SATB2: variants seen among roughly 807,000 people sequenced by gnomAD.
The protein encoded by SATB2 is SATB homeobox 2, also known as DNA-binding protein SATB2.
In SATB2, 1 loss-of-function variant was observed where a neutral mutation model predicts 73.4. The ratio of observed to expected loss-of-function variants is 0.01; its 90% CI spans 0.00 to 0.06. The LOEUF is 0.06. SATB2 is among the 10% of genes least tolerant of loss of function. The pLI, the probability that SATB2 is intolerant of heterozygous loss-of-function variation, is 1.00. For missense variants in SATB2, 459 were observed against 945.8 expected (o/e 0.49, Z 6.75); for synonymous variants, 397 against 367.0 (o/e 1.08, Z -0.93).
chr2:199,344,073 C>T (rs1688581941), intron 7 of SATB2, among the ~76,000 whole-genome samples: 1 of 152,158 alleles, frequency 6.6e-6, no homozygotes, highest in Non-Finnish European at 1.5e-5. Flanking sequence ...TTCTCTCATG[C>T]TTCATGCTAC....
chr2:199,373,719 T>G (rs1193392871), intron 5 of SATB2, among the ~76,000 whole-genome samples: 1 of 152,218 alleles, frequency 6.6e-6, no homozygotes, highest in Non-Finnish European at 1.5e-5. Flanking sequence ...TCATTTCTTA[T>G]GGTCACTGCA....
At chr2:199,469,208 T>A (rs1371335045), upstream of SATB2, among the ~76,000 whole-genome samples, 1 of 152,174 alleles carries the variant, frequency 6.6e-6, no homozygotes, top group African/African-American at 2.4e-5. Flanking sequence ...ATCATTTTGT[T>A]AACCGGAAAG....
chr2:199,302,970 C>T (rs923752647), intron 10 of SATB2, among the ~76,000 whole-genome samples: 1 of 152,184 alleles, frequency 6.6e-6, no homozygotes, highest in East Asian at 1.9e-4. Flanking sequence ...TTGTGGGTTT[C>T]AGTGCATTAG....
At chr2:199,343,096 C>T (rs552649810) in intron 7 of SATB2, among the ~76,000 whole-genome samples, 26 of 137,378 alleles carry the variant, frequency 1.9e-4, no homozygotes, top group Non-Finnish European at 3.4e-4. Context: ...TAAATGTTTA[C>T]ATATTATTTT....
At chr2:199,379,935 G>C (rs1292670727) in intron 5 of SATB2, among the ~76,000 whole-genome samples, 2 of 151,706 alleles carry the variant, frequency 1.3e-5, no homozygotes, top group Admixed American at 1.3e-4. Flanking sequence ...CCAGGCTAGA[G>C]TACAGTGGTG....
At chr2:199,459,534 G>A (rs947003957), upstream of SATB2, 2 of 152,508 alleles carry the variant, frequency 1.3e-5, no homozygotes, top group African/African-American at 4.8e-5. This position sits in a 1 kb window ranked among gnomAD's most constrained non-coding sequence, Gnocchi z 4.2. Context: ...GACCTTAGGC[G>A]AGAAAATGTG....
intron 6 of SATB2, among the ~76,000 whole-genome samples, chr2:199,363,763 G>A (rs1375352724): frequency 2.0e-5 from 3 of 152,030 alleles, no homozygotes; most frequent in Non-Finnish European, 4.4e-5. Context: ...GCTATAATTT[G>A]TCAGTATAAA....
intron 5 of SATB2, among the ~76,000 whole-genome samples, chr2:199,374,109 T>C (rs1432155369): frequency 6.6e-6 from 1 of 152,208 alleles, no homozygotes; most frequent in Non-Finnish European, 1.5e-5. Flanking sequence ...GAAATAATTA[T>C]CCTACAATCT....
intron 5 of SATB2, among the ~76,000 whole-genome samples, chr2:199,376,492 G>C (rs1354136419): frequency 6.6e-6 from 1 of 152,112 alleles, no homozygotes; most frequent in Non-Finnish European, 1.5e-5. Flanking sequence ...TGGGGGAAGG[G>C]GTATAGTGGC....
intron 3 of SATB2, among the ~76,000 whole-genome samples, chr2:199,400,110 AG>A (rs893663658): frequency 1.3e-5 from 2 of 152,156 alleles, no homozygotes; most frequent in African/African-American, 4.8e-5. Flanking sequence ...GTACTTCCAG[AG>A]GGAATAGCAC....
chr2:199,276,276 G>C (rs1207085231), intron 10 of SATB2, among the ~76,000 whole-genome samples: 2 of 152,152 alleles, frequency 1.3e-5, no homozygotes, highest in Non-Finnish European at 2.9e-5. Context: ...CTCACATCTT[G>C]ACTAAATAAT....
intron 10 of SATB2, among the ~76,000 whole-genome samples, chr2:199,307,108 A>G (rs1384116938): frequency 6.6e-6 from 1 of 152,120 alleles, no homozygotes; most frequent in Non-Finnish European, 1.5e-5. Context: ...TGAGAAAAAA[A>G]AAAGCAGTGG....
chr2:199,316,629 A>G (rs1316888727), intron 9 of SATB2, among the ~76,000 whole-genome samples: 3 of 152,080 alleles, frequency 2.0e-5, no homozygotes, highest in Non-Finnish European at 2.9e-5. Flanking sequence ...GAGAGTAATG[A>G]AAATTTTATT....
At chr2:199,390,065 A>G (rs1013940961) in intron 3 of SATB2, among the ~76,000 whole-genome samples, 5 of 152,140 alleles carry the variant, frequency 3.3e-5, no homozygotes, top group African/African-American at 1.2e-4. Context: ...AAGTAACTAG[A>G]CTAAATTAAT....
chr2:199,456,068 C>A lies in SATB2; in HGVS notation c.-31G>T. On this transcript the variant is annotated 5_prime_UTR_variant, in exon 2 of 11. Coordinates refer to ENST00000417098, the MANE Select transcript of SATB2 (RefSeq NM_001172509.2). ...TCCGACTCGGAGACAAAGTTCCCAC[C>A]GGCAGGTCGCAATAAAACGCACAGG... 4 of 1,268,676 alleles carry A rather than the reference C, an allele frequency of 3.2e-6. No homozygotes were observed. Among genetic ancestry groups the A allele is most frequent in the Non-Finnish European group, 4.1e-6 (4 of 984,658 alleles). The allele number at this position is 1,268,676 out of a possible 1,614,324, so 78.6% of individuals were successfully genotyped here.
intron 7 of SATB2, among the ~76,000 whole-genome samples, chr2:199,337,115 T>C (rs1688360026): frequency 1.3e-5 from 2 of 152,138 alleles, no homozygotes; most frequent in Non-Finnish European, 2.9e-5. Context: ...TTCAAGACAC[T>C]CTAGTTATAT....
In SATB2 at chr2:199,405,890, A is replaced by G. The variant is rs1022506520; in HGVS notation, c.347-24070T>C. On this transcript the variant is annotated intron_variant, in intron 3 of 10. Coordinates refer to ENST00000417098, the MANE Select transcript of SATB2 (RefSeq NM_001172509.2). ...GAATGCTTGATTATATGAATATTGC[A>G]TGGGTCAAGGTAAGTGGAGTGGGTC... Among the ~76,000 whole-genome samples the G allele has an allele frequency of 3.9e-5, 6 of 152,172 alleles. No homozygotes were observed. The East Asian group carries it at 1.2e-3, about 29-fold the overall frequency.
intron 6 of SATB2, among the ~76,000 whole-genome samples, chr2:199,359,982 C>T (rs974928729): frequency 2.0e-5 from 3 of 152,180 alleles, no homozygotes; most frequent in Non-Finnish European, 2.9e-5. Context: ...AGTTAAATAA[C>T]TGTCTCCCAT....
At chr2:199,355,397 G>T (rs1558999350) in intron 6 of SATB2, among the ~76,000 whole-genome samples, 1 of 138,792 alleles carries the variant, frequency 7.2e-6, no homozygotes, top group Non-Finnish European at 1.5e-5. Context: ...CCTATATTCT[G>T]GCACTTAATT....
Sources: allele counts gnomAD v4.1 joint callset (sites outside exome capture counted in the v4.1 genomes callset), GRCh38; gene constraint gnomAD v4.1.1; non-coding constraint Gnocchi (gnomAD v3.1); transcripts MANE v1.5; gene names NCBI Gene and HGNC (gene_info 2026-07-23, HGNC 2026-07-21).